Variants in LSM14A observed in about 807,000 individuals in gnomAD.
LSM14A encodes the protein protein LSM14 homolog A.
LSM14A carries 14 observed loss-of-function variants against 52.4 expected under a neutral mutation model. That is an observed-to-expected ratio of 0.27 (90% CI 0.18 to 0.42). The LOEUF is 0.42. LSM14A is among the 10% of genes least tolerant of loss of function. The probability of loss-of-function intolerance (pLI) is 1.00; values close to 1 mark genes in which losing one functional copy is unlikely to be tolerated. For synonymous variants in LSM14A, 185 were observed against 200.3 expected, an observed-to-expected ratio of 0.92 and a Z score of 0.64; for missense variants, 417 against 581.8, an observed-to-expected ratio of 0.72 and a Z score of 2.91.
At chr19:34,199,450 G>GT (rs1423029432) in intron 3 of LSM14A, among the ~76,000 whole-genome samples, 2 of 152,028 alleles carry the variant, frequency 1.3e-5, no homozygotes, top group Non-Finnish European at 2.9e-5. Flanking sequence ...TTCTTAAACT[G>GT]TTTTGTATGT....
intron 3 of LSM14A, among the ~76,000 whole-genome samples, chr19:34,197,493 C>CA (rs1271589650): frequency 8.1e-6 from 1 of 123,022 alleles, no homozygotes; most frequent in Non-Finnish European, 1.6e-5. Flanking sequence ...GGCTAGAGTG[C>CA]AGTGGCATGA....
At chr19:34,192,319 G>GGTTTTTTTTT (rs2070450450) in intron 1 of LSM14A, among the ~76,000 whole-genome samples, 5 of 53,410 alleles carry the variant, frequency 9.4e-5, no homozygotes, top group African/African-American at 4.0e-4. Flanking sequence ...TCTTTTTGTT[G>GGTTTTTTTTT]TTTTTTTTTT....
intron 1 of LSM14A, among the ~76,000 whole-genome samples, chr19:34,176,135 G>C (rs1439904890): frequency 6.6e-6 from 1 of 152,148 alleles, no homozygotes; most frequent in Non-Finnish European, 1.5e-5. Context: ...CAGGTGTGAG[G>C]CACTGCACCC....
chr19:34,188,635 C>T (rs138240637), intron 1 of LSM14A, among the ~76,000 whole-genome samples: 27 of 152,240 alleles, frequency 1.8e-4, no homozygotes, highest in African/African-American at 6.3e-4. Flanking sequence ...ACCCTGTTGA[C>T]CACTAACCTG....
rs760311629 is a variant in LSM14A, at chr19:34,219,442, G to A, written c.833G>A (p.Gly278Asp). ...AGAGGGCGTGGGGGTCATCGGGGTG[G>A]CAGGGGAAGATTTGGTATTCGGCGA... is the stretch of plus-strand genomic sequence containing the variant. ...PRRGRGGHRG[G>D]RGRFGIRRDG... Residue 278 changes from glycine (G) to aspartate (D), a missense_variant, in exon 7 of 10, where the codon GGC becomes GAC. This residue lies in a region of LSM14A where 357 missense variants were observed against 457.0 expected (regional missense o/e 0.78). Transcript: ENST00000544216. The A allele has an allele frequency of 1.9e-6, 3 of 1,613,952 alleles. No homozygotes were observed. The South Asian group carries it at 3.3e-5, about 18-fold the overall frequency.
chr19:34,198,783 G>A (rs1236168495), intron 3 of LSM14A, among the ~76,000 whole-genome samples: 4 of 151,860 alleles, frequency 2.6e-5, no homozygotes, highest in South Asian at 2.1e-4. Context: ...TCAGGAGATC[G>A]AGACCATCCT....
chr19:34,221,487 A>G lies in LSM14A; in HGVS notation c.1137-20A>G. The G allele has an allele frequency of 6.2e-7, 1 of 1,606,708 alleles. No individual in the cohort carries two copies. Among genetic ancestry groups the G allele is most frequent in the Non-Finnish European group, 8.5e-7 (1 of 1,175,994 alleles). ...TTCTTTTAAACCTGATATGCTGAAG[A>G]TTATTTGCTTTTATAATAGAGAACG... On this transcript the variant is annotated intron_variant, in intron 8 of 9. Coordinates refer to ENST00000544216, the MANE Select transcript of LSM14A (RefSeq NM_015578.4).
At chr19:34,183,678 C>T (rs1474096607) in intron 1 of LSM14A, among the ~76,000 whole-genome samples, 2 of 152,080 alleles carry the variant, frequency 1.3e-5, no homozygotes, top group Non-Finnish European at 2.9e-5. Flanking sequence ...AGTTGAGAGC[C>T]GCAACCTAAG....
At chr19:34,224,782 C>G (rs2073254978) in intron 9 of LSM14A, among the ~76,000 whole-genome samples, 2 of 152,214 alleles carry the variant, frequency 1.3e-5, no homozygotes, top group South Asian at 4.1e-4. Context: ...CATTCATTTA[C>G]CAAATATACA....
intron 1 of LSM14A, among the ~76,000 whole-genome samples, chr19:34,185,242 G>A (rs1363954446): frequency 2.0e-5 from 3 of 152,206 alleles, no homozygotes; most frequent in African/African-American, 4.8e-5. Context: ...AGTGGAGGTA[G>A]TTTTTTGTCA....
At chr19:34,199,269 C>T (rs2071112106) in intron 3 of LSM14A, among the ~76,000 whole-genome samples, 1 of 151,984 alleles carries the variant, frequency 6.6e-6, no homozygotes, top group Non-Finnish European at 1.5e-5. Context: ...GGATTATAGG[C>T]ATGCACCACC....
intron 9 of LSM14A, among the ~76,000 whole-genome samples, chr19:34,224,452 G>A (rs1038470310): frequency 1.3e-5 from 2 of 152,180 alleles, no homozygotes; most frequent in African/African-American, 4.8e-5. Context: ...TGTAAAACTC[G>A]TATCACATAT....
In LSM14A at chr19:34,216,454, T is replaced by G. The variant is rs915039802; in HGVS notation, c.781+793T>G. On this transcript the variant is annotated intron_variant, in intron 6 of 9. Transcript: ENST00000544216. Reference sequence around the variant, plus strand: ...TACTTTTCTGGAAAAAAATTCTACTTAGTGGTAGGCCTTTTTTTTTCTGAG... The same window carrying G: ...TACTTTTCTGGAAAAAAATTCTACTGAGTGGTAGGCCTTTTTTTTTCTGAG... Among the ~76,000 whole-genome samples the G allele has an allele frequency of 5.3e-5, 8 of 152,122 alleles. No individual in the cohort carries two copies. In the South Asian group the frequency reaches 1.7e-3, roughly 32 times the overall value.
intron 3 of LSM14A, among the ~76,000 whole-genome samples, chr19:34,207,820 C>T (rs1599701870): frequency 6.6e-6 from 1 of 152,032 alleles, no homozygotes; most frequent in Non-Finnish European, 1.5e-5. Context: ...TGAGCCACTG[C>T]GCCCGGCCCT....
Position 34,219,737 on chromosome 19 carries a change from A to G in LSM14A, c.996A>G (p.Val332=). The G allele has an allele frequency of 1.2e-6, 2 of 1,612,602 alleles. No individual in the cohort carries two copies. Among genetic ancestry groups the G allele is most frequent in the Non-Finnish European group, 1.7e-6 (2 of 1,179,664 alleles). The change falls in exon 8 of 10, where the codon GTA becomes GTG. Residue 332 remains valine (V), a synonymous_variant. Coordinates refer to ENST00000544216, the MANE Select transcript of LSM14A (RefSeq NM_015578.4). ...AACTTGAGAAACAGGAGAAGCCTGT[A>G]AATGGTGAAGATAAAGGAGACTCAG... is the stretch of plus-strand genomic sequence containing the variant. ...EDKLEKQEKP[V]NGEDKGDSGV...
chr19:34,200,110 A>G (rs531711602), intron 3 of LSM14A, among the ~76,000 whole-genome samples: 4 of 152,366 alleles, frequency 2.6e-5, no homozygotes, highest in Admixed American at 2.0e-4. Context: ...TGCTGAAAAT[A>G]CAGAATCTAA....
At chr19:34,220,528 G>A (rs114894118) in intron 8 of LSM14A, among the ~76,000 whole-genome samples, 1 of 152,096 alleles carries the variant, frequency 6.6e-6, no homozygotes, top group Non-Finnish European at 1.5e-5. Flanking sequence ...GTAAATGTGG[G>A]TCCAGAAAAT....
At chr19:34,224,225 G>A (rs982807069) in intron 9 of LSM14A, among the ~76,000 whole-genome samples, 2 of 152,082 alleles carry the variant, frequency 1.3e-5, no homozygotes, top group African/African-American at 4.8e-5. Context: ...CCAGCTACTC[G>A]GGAGGCTGAG....
Position 34,229,209 on chromosome 19 carries a change from C to A in LSM14A, c.*1821C>A, listed in dbSNP as rs1312282312. On this transcript the variant is annotated 3_prime_UTR_variant, in exon 10 of 10. Coordinates refer to ENST00000544216, the MANE Select transcript of LSM14A (RefSeq NM_015578.4). Reference sequence around the variant, plus strand: ...TTTGTGCCCCAGCAATAACTGGCAGCATGGCATACCTGCAGTACCCCTTAC... The same window carrying A: ...TTTGTGCCCCAGCAATAACTGGCAGAATGGCATACCTGCAGTACCCCTTAC... 1 of 152,206 alleles carries A rather than the reference C, an allele frequency of 6.6e-6. No homozygotes were observed. Among genetic ancestry groups the A allele is most frequent in the East Asian group, 1.9e-4 (1 of 5,202 alleles). The allele number at this position is 152,206 out of a possible 1,614,324, so 9.4% of individuals were successfully genotyped here. A position where few individuals can be genotyped will look rare whatever the true frequency, so the allele number is the denominator to read the frequency against.
Sources: allele counts gnomAD v4.1 joint callset (sites outside exome capture counted in the v4.1 genomes callset), GRCh38; gene constraint gnomAD v4.1.1; regional missense constraint gnomAD v4.1.1; transcripts MANE v1.5; gene names NCBI Gene and HGNC (gene_info 2026-07-23, HGNC 2026-07-21).